CDH11: variants seen among roughly 807,000 people sequenced by gnomAD.
The protein encoded by CDH11 is cadherin-11.
In CDH11, 11 loss-of-function variants were observed where a neutral mutation model predicts 67.8. The ratio of observed to expected loss-of-function variants is 0.16; its 90% confidence interval spans 0.10 to 0.27. The LOEUF (loss-of-function observed/expected upper bound fraction) is 0.27, where lower values mean the gene tolerates loss of function less well. CDH11 is among the 10% of genes least tolerant of loss of function. CDH11 has a pLI of 1.00. For synonymous variants in CDH11, 419 were observed against 400.0 expected (o/e 1.05, Z -0.57); for missense variants, 847 against 1,031.2 (o/e 0.82, Z 2.45).
At chr16:65,093,515 C>A (rs1230561731) in intron 1 of CDH11, among the ~76,000 whole-genome samples, 1 of 152,112 alleles carries the variant, frequency 6.6e-6, no homozygotes, top group East Asian at 1.9e-4. Context: ...AAAACCCACA[C>A]CTCTTAATAC....
At chr16:64,962,189 TAA>T (rs2071690837) in intron 11 of CDH11, among the ~76,000 whole-genome samples, 1 of 151,934 alleles carries the variant, frequency 6.6e-6, no homozygotes, top group African/African-American at 2.4e-5. Context: ...CAATAGTAAA[TAA>T]ATTAAAACAG....
intron 2 of CDH11, among the ~76,000 whole-genome samples, chr16:65,043,258 T>C: frequency 6.6e-6 from 1 of 151,980 alleles, no homozygotes; most frequent in East Asian, 1.9e-4. Context: ...TGCACAGACA[T>C]AGGAAGGCTT....
In CDH11 at chr16:64,991,838, T is replaced by A; in HGVS notation, c.741A>T (p.Gly247=). ...TCGTCACTTTGGTTGTCCCTGAGAG[T>A]CCGCCCATATGTCCACCCATGTCCT... ...QAKDMGGHMG[G]LSGTTKVTIT... is the part of the protein sequence containing the mutation. Residue 247 remains glycine, a synonymous_variant, in exon 6 of 13, where the codon GGA becomes GGT. Coordinates refer to ENST00000268603, the MANE Select transcript of CDH11 (RefSeq NM_001797.4). The A allele has an allele frequency of 1.2e-6, 2 of 1,613,856 alleles. No individual in the cohort carries two copies. The highest frequency in any genetic ancestry group is 1.7e-6 in the Non-Finnish European group (2 of 1,179,862).
At chr16:65,030,087 T>C (rs890122443) in intron 2 of CDH11, among the ~76,000 whole-genome samples, 1 of 152,180 alleles carries the variant, frequency 6.6e-6, no homozygotes, top group Non-Finnish European at 1.5e-5. Context: ...GAATGGATAC[T>C]GGTTTGGGAC....
intron 8 of CDH11, among the ~76,000 whole-genome samples, chr16:64,973,525 G>T (rs886477402): frequency 1.3e-5 from 2 of 152,184 alleles, no homozygotes; most frequent in Non-Finnish European, 2.9e-5. Context: ...GAAAAATGCA[G>T]CCTGGTGCAG....
intron 2 of CDH11, among the ~76,000 whole-genome samples, chr16:65,038,670 T>C (rs932738573): frequency 6.6e-6 from 1 of 152,154 alleles, no homozygotes; most frequent in East Asian, 1.9e-4. Flanking sequence ...CTTGGGGAAA[T>C]AGGATGCATA....
At chr16:65,046,158 A>G (rs2073958753) in intron 2 of CDH11, among the ~76,000 whole-genome samples, 4 of 152,200 alleles carry the variant, frequency 2.6e-5, no homozygotes, top group Admixed American at 6.5e-5. Flanking sequence ...CAAAGGAGAG[A>G]ATCCTATACC....
At position 64,943,853 on chromosome 16, in the gene CDH11, G is replaced by A. The variant is rs759033443; in HGVS notation, c.*3750C>T. ...GGTAAACAAGAAAGCAAGATTCCCT[G>A]CCCTCATGGAGCTTACATTCTAGTG... On this transcript the variant is annotated 3_prime_UTR_variant, in exon 13 of 13. Coordinates refer to ENST00000268603, the MANE Select transcript of CDH11 (RefSeq NM_001797.4). 3 of 226,636 alleles carry A rather than the reference G, an allele frequency of 1.3e-5. No homozygotes were observed. The highest frequency in any genetic ancestry group is 2.6e-5 in the Non-Finnish European group (3 of 113,960). 14.0% of individuals were successfully genotyped at this position (226,636 alleles called of 1,614,324 possible). A position where few individuals can be genotyped will look rare whatever the true frequency, so the allele number is the denominator to read the frequency against.
At chr16:65,064,432 A>G (rs904454980) in intron 1 of CDH11, among the ~76,000 whole-genome samples, 1 of 152,234 alleles carries the variant, frequency 6.6e-6, no homozygotes, top group African/African-American at 2.4e-5. Flanking sequence ...ATAAGTCAAT[A>G]CCATCAGGGT....
intron 2 of CDH11, among the ~76,000 whole-genome samples, chr16:65,036,739 T>C (rs898012095): frequency 1.3e-5 from 2 of 152,124 alleles, no homozygotes; most frequent in African/African-American, 4.8e-5. Flanking sequence ...GTTCCAGAGA[T>C]ATTATTAGCC....
Position 65,027,173 on chromosome 16 carries a change from C to T in CDH11, c.-172-22132G>A, listed in dbSNP as rs1055749067. Among the ~76,000 whole-genome samples, 11 of 152,218 alleles carry T rather than the reference C, an allele frequency of 7.2e-5. No homozygotes were observed. The South Asian group carries it at 1.7e-3, about 23-fold the overall frequency. ...AACACCAGCCACTTTAGTACTCACA[C>T]CATAAAGGAGGGACAATTCTGTTCT... is the stretch of plus-strand genomic sequence containing the variant. On this transcript the variant is annotated intron_variant, in intron 2 of 12. Transcript: ENST00000268603.
chr16:64,985,309 ATTC>A (rs1256814655), intron 7 of CDH11: 4 of 151,912 alleles, frequency 2.6e-5, no homozygotes, highest in Non-Finnish European at 5.9e-5. Flanking sequence ...TATTTCTTGA[ATTC>A]TTCTCCTTCA....
intron 11 of CDH11, among the ~76,000 whole-genome samples, chr16:64,967,808 A>G (rs951812874): frequency 6.6e-6 from 1 of 151,892 alleles, no homozygotes; most frequent in Non-Finnish European, 1.5e-5. Context: ...GTTGGTTTGT[A>G]TTTTCCAATT....
intron 8 of CDH11, among the ~76,000 whole-genome samples, chr16:64,978,880 T>C (rs8057316): frequency 0.059 from 8,991 of 152,088 alleles, 613 homozygotes; most frequent in African/African-American, 0.17. Context: ...TAGACAATTA[T>C]TTCATCATAG....
chr16:64,965,205 CAAAAAAAAA>C (rs71143537), intron 11 of CDH11, among the ~76,000 whole-genome samples: 59 of 56,934 alleles, frequency 1.0e-3, no homozygotes, highest in South Asian at 1.2e-3. Context: ...CTAAAAATAC[CAAAAAAAAA>C]AAAAAAAAAA....
At chr16:65,116,725 G>A (rs192812644) in intron 1 of CDH11, among the ~76,000 whole-genome samples, 5 of 151,880 alleles carry the variant, frequency 3.3e-5, no homozygotes, top group Non-Finnish European at 7.4e-5. Flanking sequence ...CAACTTCCTA[G>A]ATTCAGCTCT....
intron 3 of CDH11, among the ~76,000 whole-genome samples, chr16:65,001,307 T>G (rs1211035518): frequency 6.6e-6 from 1 of 152,226 alleles, no homozygotes; most frequent in Admixed American, 6.5e-5. Context: ...TAAGTCCATT[T>G]GACAGTAAAA....
intron 11 of CDH11, among the ~76,000 whole-genome samples, chr16:64,965,311 G>C (rs1401882322): frequency 6.6e-6 from 1 of 151,846 alleles, no homozygotes; most frequent in Non-Finnish European, 1.5e-5. Context: ...AAATACGCGA[G>C]GTGGAGGCTA....
Position 64,972,930 on chromosome 16 carries a change from T to C in CDH11, c.1364A>G (p.Asn455Ser), listed in dbSNP as rs201146780. 14 of 1,613,874 alleles carry C rather than the reference T, an allele frequency of 8.7e-6. No individual in the cohort carries two copies. The highest frequency in any genetic ancestry group is 1.2e-5 in the Non-Finnish European group (14 of 1,179,932). ...GATTTCTGCTGCAAAGACAGTGATG[T>C]TGAGCCAGGCTGTTTCCTCTCTATC... ...PLDREETAWL[N>S]ITVFAAEIHN... Residue 455 changes from asparagine to serine, a missense_variant, in exon 9 of 13, where the codon AAC (asparagine) becomes AGC (serine). By Grantham distance (46) the Asn-to-Ser change is conservative (BLOSUM62 1). This residue lies in a region of CDH11 where 612 missense variants were observed against 678.7 expected (regional missense o/e 0.90). Transcript: ENST00000268603.
Sources: allele counts gnomAD v4.1 joint callset (sites outside exome capture counted in the v4.1 genomes callset), GRCh38; gene constraint gnomAD v4.1.1; regional missense constraint gnomAD v4.1.1; transcripts MANE v1.5; gene names NCBI Gene and HGNC (gene_info 2026-07-23, HGNC 2026-07-21).